Variants in CIP2A observed in about 807,000 individuals in gnomAD.
The protein encoded by CIP2A is cellular inhibitor of PP2A, also known as protein CIP2A.
Under a neutral mutation model 110.9 loss-of-function variants are expected in CIP2A, and 103 were observed. The ratio of observed to expected loss-of-function variants is 0.93; its 90% confidence interval spans 0.79 to 1.09. The LOEUF (loss-of-function observed/expected upper bound fraction) is 1.09, where lower values mean the gene tolerates loss of function less well. Among genes scored for constraint, CIP2A ranks in the 50% least tolerant of loss-of-function variants. CIP2A has a pLI of 0.00. For synonymous variants in CIP2A, 381 were observed against 361.6 expected (o/e 1.05, Z -0.61); for missense variants, 1,088 against 1,038.4 (o/e 1.05, Z -0.66).
At position 108,559,883 on chromosome 3, in the gene CIP2A, T is replaced by G; in HGVS notation, c.1903-16A>C. 1 of 1,591,926 alleles carries G rather than the reference T, an allele frequency of 6.3e-7. No individual in the cohort carries two copies. Among genetic ancestry groups the G allele is most frequent in the Non-Finnish European group, 8.6e-7 (1 of 1,163,120 alleles). On this transcript the variant is annotated splice_polypyrimidine_tract_variant and intron_variant, in intron 15 of 20. Coordinates refer to ENST00000295746, the MANE Select transcript of CIP2A (RefSeq NM_020890.3). ...TTTCTTTGGACTACAAGAAAACATA[T>G]CATTAATTTTCATTTTAGGAATACA...
At chr3:108,586,854 T>C (rs1576322323) in intron 1 of CIP2A, among the ~76,000 whole-genome samples, 2 of 152,192 alleles carry the variant, frequency 1.3e-5, no homozygotes, top group East Asian at 3.8e-4. Flanking sequence ...ATTCAAAGCC[T>C]ACACTCTGCA....
chr3:108,557,243 T>C lies in CIP2A; in HGVS notation c.2185A>G (p.Lys729Glu), dbSNP rs139418276. ...CTCTGAAGAAGTTCCATGTAGGATT[T>C]TGTCAGTATTTCATGTTCTTCAGCC... The part of the protein sequence containing the change: ...SVAEEHEILT[K>E]SYMELLQRNE... Residue 729 changes from lysine to glutamate, a missense_variant, in exon 17 of 21, where the codon AAA (lysine) becomes GAA (glutamate). Transcript: ENST00000295746. The C allele has an allele frequency of 2.7e-4, 426 of 1,598,060 alleles. 5 individuals are homozygous for C. In the South Asian group the frequency reaches 3.6e-3, roughly 13 times the overall value.
Position 108,581,456 on chromosome 3 carries a change from A to G in CIP2A, c.508T>C (p.Cys170Arg). The stretch of plus-strand genomic sequence containing the variant: ...GTTTGAACAGAAAGATTGTGCCGAC[A>G]AAGATTTGCCAATAATCCTAGACAA... ...MPCLGLLANL[C>R]RHNLSVQTHI... Residue 170 changes from cysteine (C) to arginine (R), a missense_variant, in exon 5 of 21, where the codon TGT becomes CGT. Transcript: ENST00000295746. 6.2e-7 allele frequency: 1 copy of G among 1,613,352 alleles called. No individual in the cohort carries two copies. The highest frequency in any genetic ancestry group is 8.5e-7 in the Non-Finnish European group (1 of 1,179,460).
chr3:108,561,238 T>A (rs769787239), intron 13 of CIP2A, among the ~76,000 whole-genome samples: 8 of 152,182 alleles, frequency 5.3e-5, no homozygotes, highest in Non-Finnish European at 1.0e-4. Flanking sequence ...CTGACTTCCA[T>A]TCTAACCCTT....
At position 108,588,078 on chromosome 3, in the gene CIP2A, T is replaced by C. The variant is rs142276043; in HGVS notation, c.102+1196A>G. Among the ~76,000 whole-genome samples the C allele has an allele frequency of 2.4e-4, 37 of 152,242 alleles. 1 individual carries two copies. In the East Asian group the frequency reaches 6.7e-3, roughly 28 times the overall value. On this transcript the variant is annotated intron_variant, in intron 1 of 20. Coordinates refer to ENST00000295746, the MANE Select transcript of CIP2A (RefSeq NM_020890.3). ...CAGGTGTAAGCCCCTGTGCCTTAAA[T>C]CTCTTTCAGTGCACAACCTTCCTGT...
At chr3:108,576,653 T>G (rs2107358096) in intron 7 of CIP2A, among the ~76,000 whole-genome samples, 1 of 152,314 alleles carries the variant, frequency 6.6e-6, no homozygotes, top group Non-Finnish European at 1.5e-5. Flanking sequence ...AATTGCTCTA[T>G]TTTTTTAAGA....
chr3:108,579,701 A>G lies in CIP2A; in HGVS notation c.550-13T>C. ...ATTTCACATTACTCTGAGGAAAAAA[A>G]AGTTAAAAAATAAATTAGAATTATA... On this transcript the variant is annotated splice_polypyrimidine_tract_variant and intron_variant, in intron 5 of 20. Transcript: ENST00000295746. The G allele has an allele frequency of 6.7e-7, 1 of 1,498,294 alleles. No homozygotes were observed. The highest frequency in any genetic ancestry group is 9.0e-7 in the Non-Finnish European group (1 of 1,116,778). 92.8% of individuals were successfully genotyped at this position (1,498,294 alleles called of 1,614,324 possible).
At chr3:108,581,328 G>T in intron 5 of CIP2A, 87 bp downstream of exon 5, 2 of 915,344 alleles carry the variant, frequency 2.2e-6, no homozygotes, top group Non-Finnish European at 3.4e-6. Context: ...GTTCAAATTT[G>T]TTTTAAAGAA....
intron 2 of CIP2A, among the ~76,000 whole-genome samples, chr3:108,584,332 C>A (rs1390487819): frequency 6.6e-6 from 1 of 152,050 alleles, no homozygotes; most frequent in Non-Finnish European, 1.5e-5. Context: ...ATTAAAGATC[C>A]AAAAGTATTG....
chr3:108,589,155 C>T (rs1001591794), intron 1 of CIP2A, 119 bp downstream of exon 1: 6 of 719,306 alleles, frequency 8.3e-6, no homozygotes, highest in Non-Finnish European at 7.2e-6. Flanking sequence ...GAAAAGACAA[C>T]AGAGGGATCG....
At chr3:108,576,435 A>T (rs1938654674) in intron 7 of CIP2A, 89 bp from the exon 8 acceptor site, 3 of 689,230 alleles carry the variant, frequency 4.4e-6, no homozygotes, top group Non-Finnish European at 7.0e-6. Flanking sequence ...TATAAAATTT[A>T]TGTGTATTTT....
At chr3:108,566,153 TTC>T (rs1353574512) in intron 11 of CIP2A, among the ~76,000 whole-genome samples, 3 of 151,778 alleles carry the variant, frequency 2.0e-5, no homozygotes, top group Non-Finnish European at 4.4e-5. Flanking sequence ...AAAACTACTC[TTC>T]TGTTTTTTCA....
At chr3:108,577,239 A>G (rs543868615) in intron 7 of CIP2A, among the ~76,000 whole-genome samples, 2 of 152,300 alleles carry the variant, frequency 1.3e-5, no homozygotes, top group South Asian at 4.1e-4. Flanking sequence ...CTATACTGAG[A>G]ATCTGGATAT....
chr3:108,552,982 T>C (rs1937628510), intron 19 of CIP2A, among the ~76,000 whole-genome samples: 2 of 152,020 alleles, frequency 1.3e-5, no homozygotes, highest in Admixed American at 1.3e-4. Flanking sequence ...ACTACCTGGG[T>C]GATGAGATCC....
intron 8 of CIP2A, among the ~76,000 whole-genome samples, chr3:108,573,570 C>T (rs1293817680): frequency 6.6e-6 from 1 of 151,778 alleles, no homozygotes; most frequent in Non-Finnish European, 1.5e-5. Flanking sequence ...CCTTTAGATT[C>T]GAATACTAGA....
chr3:108,581,270 A>G (rs1938866573), intron 5 of CIP2A, 145 bp downstream of exon 5: 1 of 616,226 alleles, frequency 1.6e-6, no homozygotes, highest in Non-Finnish European at 2.9e-6. Flanking sequence ...TTGTATGTCA[A>G]TCTGACTCTT....
intron 4 of CIP2A, among the ~76,000 whole-genome samples, 178 bp from the exon 5 acceptor site, chr3:108,581,689 T>G (rs539870290): frequency 6.6e-6 from 1 of 152,154 alleles, no homozygotes; most frequent in South Asian, 2.1e-4. Context: ...TATTGATCAT[T>G]TATCTCATTT....
rs775696386 is a variant in CIP2A, at chr3:108,559,770, T to C, written c.2000A>G (p.Gln667Arg). Residue 667 changes from glutamine to arginine, a missense_variant, in exon 16 of 21, where the codon CAA becomes CGA. By Grantham distance (43) the Gln-to-Arg change is conservative. Transcript: ENST00000295746. ...TATTCTACACACCTCTGTTTCAGCT[T>C]GAGTTCTTTGACAGCGATGCTGAGC... ...LIAQHRCQRT[Q>R]AETEARTLAS... 2 of 1,580,554 alleles carry C rather than the reference T, an allele frequency of 1.3e-6. No individual in the cohort carries two copies. The highest frequency in any genetic ancestry group is 1.7e-5 in the Admixed American group (1 of 58,478).
chr3:108,576,249 GAA>G lies in CIP2A; in HGVS notation c.894+20_894+21del, dbSNP rs764402191. The G allele has an allele frequency of 2.8e-6, 4 of 1,453,634 alleles. No individual in the cohort carries two copies. Among genetic ancestry groups the G allele is most frequent in the Non-Finnish European group, 3.7e-6 (4 of 1,079,738 alleles). The allele number at this position is 1,453,634 out of a possible 1,614,324, so 90.0% of individuals were successfully genotyped here. Reference sequence around the variant, plus strand: ...TTTTGCAGTTTTTAAAAGTTTAAATGAAAAGTCATGTTTTTACATACCTTTGA... The same window carrying G: ...TTTTGCAGTTTTTAAAAGTTTAAATGAAGTCATGTTTTTACATACCTTTGA... On this transcript the variant is annotated intron_variant, in intron 8 of 20. Coordinates refer to ENST00000295746, the MANE Select transcript of CIP2A (RefSeq NM_020890.3).
Sources: gnomAD v4.1 joint callset for allele counts (sites outside exome capture counted in the v4.1 genomes callset) on GRCh38, gnomAD v4.1.1 for gene constraint, MANE v1.5 for transcripts, NCBI Gene and HGNC (gene_info 2026-07-23, HGNC 2026-07-21) for gene names.